ZMAT4: variants seen among roughly 807,000 people sequenced by gnomAD.
ZMAT4 encodes zinc finger matrin-type 4, also known as zinc finger matrin-type protein 4.
Under a neutral mutation model 28.7 loss-of-function variants are expected in ZMAT4, and 17 were observed. That is an observed-to-expected ratio of 0.59 (90% confidence interval 0.41 to 0.89). The LOEUF is 0.89. Ranked by LOEUF, ZMAT4 falls within the 40% of genes least tolerant of loss-of-function variation. ZMAT4 has a pLI of 0.00. For synonymous variants in ZMAT4, 117 were observed against 109.2 expected (o/e 1.07, Z -0.44); for missense variants, 240 against 283.8 (o/e 0.85, Z 1.11).
intron 1 of ZMAT4, among the ~76,000 whole-genome samples, chr8:40,829,014 C>A (rs1201855794): frequency 6.6e-6 from 1 of 152,018 alleles, no homozygotes; most frequent in African/African-American, 2.4e-5. Flanking sequence ...GAGGAGCCCA[C>A]GCGCTACTCC....
At chr8:40,768,525 A>G (rs936977860) in intron 2 of ZMAT4, among the ~76,000 whole-genome samples, 25 of 152,174 alleles carry the variant, frequency 1.6e-4, no homozygotes, top group Admixed American at 9.2e-4. Flanking sequence ...CTGAGGCAGG[A>G]TGGCGGAGTG....
chr8:40,710,849 C>T (rs1810583129), intron 3 of ZMAT4, among the ~76,000 whole-genome samples: 2 of 151,908 alleles, frequency 1.3e-5, no homozygotes, highest in African/African-American at 4.8e-5. Context: ...GGCGCGATCT[C>T]GGCTCACTGC....
intron 3 of ZMAT4, among the ~76,000 whole-genome samples, chr8:40,729,437 T>A (rs1337473478): frequency 6.6e-6 from 1 of 152,186 alleles, no homozygotes; most frequent in East Asian, 1.9e-4. Context: ...CATTTACACA[T>A]TTTACTGTTA....
intron 1 of ZMAT4, among the ~76,000 whole-genome samples, chr8:40,878,492 T>G (rs1292362739): frequency 6.6e-6 from 1 of 152,158 alleles, no homozygotes; most frequent in Admixed American, 6.5e-5. Flanking sequence ...ACCAGATATA[T>G]CAGAAGTAAG....
intron 2 of ZMAT4, among the ~76,000 whole-genome samples, chr8:40,810,515 C>T (rs1015329951): frequency 1.3e-5 from 2 of 152,146 alleles, no homozygotes; most frequent in South Asian, 2.1e-4. Context: ...AAAACTGGCT[C>T]ACCACATGGA....
intron 5 of ZMAT4, among the ~76,000 whole-genome samples, chr8:40,653,665 C>T (rs1439729607): frequency 6.6e-6 from 1 of 152,020 alleles, no homozygotes; most frequent in Non-Finnish European, 1.5e-5. Context: ...AGACAACCTA[C>T]TTAAAACAGA....
At chr8:40,549,305 CT>C (rs1803296236) in intron 6 of ZMAT4, among the ~76,000 whole-genome samples, 1 of 152,116 alleles carries the variant, frequency 6.6e-6, no homozygotes, top group Non-Finnish European at 1.5e-5. Flanking sequence ...CTAAGACACC[CT>C]CCCTTTACAA....
intron 5 of ZMAT4, among the ~76,000 whole-genome samples, chr8:40,644,172 A>C (rs1413052826): frequency 6.6e-6 from 1 of 152,184 alleles, no homozygotes; most frequent in Non-Finnish European, 1.5e-5. Context: ...CCATTTTAAA[A>C]AAATATTTGA....
intron 4 of ZMAT4, among the ~76,000 whole-genome samples, chr8:40,683,454 G>C (rs1368994881): frequency 1.3e-5 from 2 of 152,200 alleles, no homozygotes; most frequent in Non-Finnish European, 2.9e-5. Flanking sequence ...TAGGAAATCT[G>C]TAAGGTATTT....
chr8:40,836,156 C>T (rs542939474), intron 1 of ZMAT4, among the ~76,000 whole-genome samples: 45 of 152,188 alleles, frequency 3.0e-4, no homozygotes, highest in Admixed American at 2.1e-3. Context: ...AGTAAGAAAT[C>T]GGGAAAATAA....
At chr8:40,704,646 C>A (rs1810278791) in intron 3 of ZMAT4, among the ~76,000 whole-genome samples, 2 of 152,182 alleles carry the variant, frequency 1.3e-5, no homozygotes, top group Non-Finnish European at 2.9e-5. Context: ...ATAGCCAGTG[C>A]CTGACACAGG....
chr8:40,833,667 C>T (rs560651151), intron 1 of ZMAT4, among the ~76,000 whole-genome samples: 2 of 152,202 alleles, frequency 1.3e-5, no homozygotes, highest in Non-Finnish European at 2.9e-5. Context: ...CCGGGACCAC[C>T]GGCTCCAGCA....
chr8:40,799,687 T>G (rs911856126), intron 2 of ZMAT4, among the ~76,000 whole-genome samples: 2 of 152,208 alleles, frequency 1.3e-5, no homozygotes, highest in African/African-American at 4.8e-5. Flanking sequence ...TTTTTTCTAA[T>G]TGATCTAACA....
At chr8:40,604,154 A>G (rs1805499300) in intron 5 of ZMAT4, among the ~76,000 whole-genome samples, 1 of 152,152 alleles carries the variant, frequency 6.6e-6, no homozygotes, top group African/African-American at 2.4e-5. Flanking sequence ...ATACAATCCT[A>G]TCGTCAGTGA....
At chr8:40,658,568 A>G (rs906904088) in intron 5 of ZMAT4, among the ~76,000 whole-genome samples, 2 of 151,104 alleles carry the variant, frequency 1.3e-5, no homozygotes, top group African/African-American at 2.4e-5. Context: ...CGTTGGCTCC[A>G]TTGGTACATT....
chr8:40,601,469 GA>G (rs1563359969), intron 5 of ZMAT4, among the ~76,000 whole-genome samples: 8 of 6,884 alleles, frequency 1.2e-3, no homozygotes, highest in South Asian at 5.7e-3. Flanking sequence ...AGGAAGAAAG[GA>G]AAGAAAGAAA....
intron 2 of ZMAT4, among the ~76,000 whole-genome samples, chr8:40,815,414 CAG>C (rs1241796925): frequency 5.3e-5 from 8 of 152,192 alleles, no homozygotes; most frequent in Non-Finnish European, 1.2e-4. Context: ...AATCAAAAAA[CAG>C]AGTCAAGGGT....
intron 4 of ZMAT4, 108 bp from the exon 5 acceptor site, chr8:40,675,039 A>T (rs1808852745): frequency 1.3e-6 from 1 of 778,082 alleles, no homozygotes; most frequent in Non-Finnish European, 2.0e-6. Flanking sequence ...TAGAGCTTAA[A>T]CATCCCCAAG....
intron 5 of ZMAT4, among the ~76,000 whole-genome samples, chr8:40,633,031 T>G (rs975831994): frequency 2.6e-5 from 4 of 152,208 alleles, no homozygotes; most frequent in African/African-American, 9.6e-5. Flanking sequence ...TGGATGGTTT[T>G]CATCCTCCTT....
Sources: gnomAD v4.1 joint callset for allele counts (sites outside exome capture counted in the v4.1 genomes callset) on GRCh38, gnomAD v4.1.1 for gene constraint, MANE v1.5 for transcripts, NCBI Gene and HGNC (gene_info 2026-07-23, HGNC 2026-07-21) for gene names.